Variants in RYR1 observed in about 807,000 individuals in gnomAD.
The protein encoded by RYR1 is ryanodine receptor 1.
RYR1 carries 342 observed loss-of-function variants against 583.5 expected under a neutral mutation model. The ratio of observed to expected loss-of-function variants is 0.59; its 90% CI spans 0.54 to 0.64. The LOEUF (loss-of-function observed/expected upper bound fraction) is 0.64. Among genes scored for constraint, RYR1 ranks in the 30% least tolerant of loss-of-function variants. The pLI is 0.00. For missense variants in RYR1, 6,032 were observed against 6,917.2 expected (o/e 0.87, Z 4.54); for synonymous variants, 2,791 against 2,822.5 (o/e 0.99, Z 0.35).
intron 38 of RYR1, 28 bp downstream of exon 38, chr19:38,492,664 G>A: frequency 6.5e-7 from 1 of 1,526,868 alleles, no homozygotes; most frequent in Non-Finnish European, 9.0e-7. Flanking sequence ...TGGGGAGAGG[G>A]CAGGGGTGGG....
At chr19:38,575,341 C>T (rs1161524275) in intron 96 of RYR1, among the ~76,000 whole-genome samples, 1 of 152,174 alleles carries the variant, frequency 6.6e-6, no homozygotes, top group African/African-American at 2.4e-5. Flanking sequence ...GCAGTGGGGT[C>T]CCCACTGTTC....
intron 76 of RYR1, among the ~76,000 whole-genome samples, chr19:38,530,668 C>T (rs1325300389): frequency 3.3e-5 from 5 of 152,164 alleles, no homozygotes; most frequent in Admixed American, 2.6e-4. Context: ...GTCTTTCTAG[C>T]TTTCTGCTCT....
chr19:38,585,369 G>GATAGATATATATATATATATATAT (rs1890244817), intron 102 of RYR1, among the ~76,000 whole-genome samples: 4 of 141,066 alleles, frequency 2.8e-5, no homozygotes, highest in African/African-American at 5.2e-5. Flanking sequence ...AAAGGCCTGA[G>GATAGATATATATATATATATATAT]ATATATATAT....
chr19:38,459,078 C>A lies in RYR1; in HGVS notation c.2168-68C>A, dbSNP rs547641224. On this transcript the variant is annotated intron_variant, in intron 18 of 105. Transcript: ENST00000359596. The stretch of plus-strand genomic sequence containing the variant: ...CCACAGGAGCCTCCAATATCTGTCC[C>A]TTTTCTCTTGTTATCATTGGTTCTG... 1.2e-4 allele frequency: 161 copies of A among 1,399,298 alleles called. No homozygotes were observed. In the African/African-American group the frequency reaches 2.1e-3, roughly 19 times the overall value. The allele number at this position is 1,399,298 out of a possible 1,614,324, so 86.7% of individuals were successfully genotyped here.
chr19:38,461,721 G>C (rs954298396), intron 20 of RYR1, among the ~76,000 whole-genome samples: 11 of 75,074 alleles, frequency 1.5e-4, no homozygotes, highest in Middle Eastern at 0.013. Flanking sequence ...GCAAAACCCT[G>C]AAAAAAAAAA....
chr19:38,490,485 CCCAAATAGTCTT>C (rs1723567468), intron 36 of RYR1, 124 bp from the exon 37 acceptor site: 5 of 800,338 alleles, frequency 6.2e-6, no homozygotes, highest in African/African-American at 5.1e-5. Flanking sequence ...GCCCTAGTCT[CCCAAATAGTCTT>C]CATTAACTCA....
At chr19:38,546,608 C>G in intron 88 of RYR1, 82 bp downstream of exon 88, 1 of 1,106,864 alleles carries the variant, frequency 9.0e-7, no homozygotes, top group Non-Finnish European at 1.4e-6. Flanking sequence ...CCCGGGAGAC[C>G]CTAATCCTCA....
chr19:38,491,089 G>A (rs764690302), intron 37 of RYR1, among the ~76,000 whole-genome samples: 1 of 152,172 alleles, frequency 6.6e-6, no homozygotes, highest in Non-Finnish European at 1.5e-5. Context: ...ACAGATGGAT[G>A]ACCTCCATAG....
rs1568438771 is a variant in RYR1, at chr19:38,446,708, A to T, written c.740A>T (p.Glu247Val). 6.2e-7 allele frequency: 1 copy of T among 1,613,818 alleles called. No individual in the cohort carries two copies. The highest frequency in any genetic ancestry group is 2.2e-5 in the East Asian group (1 of 44,882). ...TGTGTCCCCAGACTTGTCTACTATG[A>T]GGGGGGAGCTGTGTGCACTCATGCC... ...SDDQRRLVYY[E>V]GGAVCTHARS... The change falls in exon 9 of 106, where the codon GAG (glutamate) becomes GTG (valine). Residue 247 changes from glutamate to valine, a missense_variant. This residue lies in a region of RYR1 where 338 missense variants were observed against 441.6 expected (regional missense o/e 0.77). Transcript: ENST00000359596.
At chr19:38,490,788 C>A in intron 37 of RYR1, 56 bp downstream of exon 37, 1 of 1,123,824 alleles carries the variant, frequency 8.9e-7, no homozygotes, top group Non-Finnish European at 1.4e-6. Context: ...CGAGACCTCT[C>A]CAGAAGTTTC....
intron 71 of RYR1, 93 bp from the exon 72 acceptor site, chr19:38,526,900 G>A (rs1357193662): frequency 7.2e-7 from 1 of 1,398,374 alleles, no homozygotes; most frequent in Non-Finnish European, 1.0e-6. Context: ...AACCTCTTCA[G>A]TTCCTGGGGT....
chr19:38,547,035 C>CTT (rs34666293), intron 88 of RYR1, among the ~76,000 whole-genome samples: 1 of 138,918 alleles, frequency 7.2e-6, no homozygotes, highest in Non-Finnish European at 1.6e-5. Context: ...ATTAGGATCC[C>CTT]TTTTTTTTTT....
intron 7 of RYR1, 69 bp from the exon 8 acceptor site, chr19:38,446,403 T>G: frequency 8.1e-7 from 1 of 1,227,748 alleles, no homozygotes; most frequent in East Asian, 2.3e-5. Flanking sequence ...GGCCCCTGAC[T>G]TCATCTTGGC....
chr19:38,502,810 G>GGGGCAGGGGCAGGGGCAGGAGC, intron 48 of RYR1, 70 bp from the exon 49 acceptor site: 1 of 667,290 alleles, frequency 1.5e-6, no homozygotes, highest in Non-Finnish European at 2.0e-6. Context: ...GGGGCAGGGG[G>GGGGCAGGGGCAGGGGCAGGAGC]AGGAGCAGGG....
rs1968809754 is a variant in RYR1 at position 38,477,802 on chromosome 19, C to T, written c.4386C>T (p.Ser1462=). The part of the protein sequence containing the change: ...VTPDYHQHDM[S]FDLSKVRVVT... ...CTGACTACCATCAGCACGACATGAG[C>T]TTCGACCTCAGCAAGGTCCGGGTCG... Residue 1462 remains serine (S), a synonymous_variant, in exon 30 of 106, where the codon AGC becomes AGT. Coordinates refer to ENST00000359596, the MANE Select transcript of RYR1 (RefSeq NM_000540.3). 6.2e-7 allele frequency: 1 copy of T among 1,612,168 alleles called. No individual in the cohort carries two copies. The highest frequency in any genetic ancestry group is 8.5e-7 in the Non-Finnish European group (1 of 1,178,954).
At position 38,525,343 on chromosome 19, in the gene RYR1, G is replaced by A. The variant is rs751798987; in HGVS notation, c.10467G>A (p.Ser3489=). ...CTGTGTCCCCACAGTCCGGTGGCTCGGACCAGGAACGCACCAAGAAGAAGC... is the reference window on the plus strand; with the variant it reads ...CTGTGTCCCCACAGTCCGGTGGCTCAGACCAGGAACGCACCAAGAAGAAGC... ...AKAGDIQSGG[S]DQERTKKKRR... The change falls in exon 71 of 106, where the codon TCG becomes TCA. Residue 3489 remains serine (S), a synonymous_variant. Coordinates refer to ENST00000359596, the MANE Select transcript of RYR1 (RefSeq NM_000540.3). The A allele has an allele frequency of 1.2e-5, 19 of 1,613,808 alleles. No homozygotes were observed. The highest frequency in any genetic ancestry group is 6.7e-5 in the East Asian group (3 of 44,870).
At chr19:38,436,055 C>T (rs971707120) in intron 1 of RYR1, among the ~76,000 whole-genome samples, 3 of 151,804 alleles carry the variant, frequency 2.0e-5, no homozygotes, top group Admixed American at 2.0e-4. Flanking sequence ...ATTACAGGCG[C>T]GTGCCACCAA....
chr19:38,514,942 G>C, intron 63 of RYR1, 84 bp from the exon 64 acceptor site: 1 of 877,554 alleles, frequency 1.1e-6, no homozygotes. Flanking sequence ...CCCACTGCAT[G>C]GGCCTATTTG....
intron 34 of RYR1, 110 bp downstream of exon 34, chr19:38,486,312 T>C (rs1413329841): frequency 7.8e-7 from 1 of 1,281,760 alleles, no homozygotes; most frequent in Non-Finnish European, 1.1e-6. Context: ...CACCCATTCA[T>C]TCCCTCCTCT....
Sources: allele counts gnomAD v4.1 joint callset (sites outside exome capture counted in the v4.1 genomes callset), GRCh38; gene constraint gnomAD v4.1.1; regional missense constraint gnomAD v4.1.1; transcripts MANE v1.5; gene names NCBI Gene and HGNC (gene_info 2026-07-23, HGNC 2026-07-21).